Variants in LRMDA observed in about 807,000 individuals in gnomAD.
The protein encoded by LRMDA is leucine-rich melanocyte differentiation-associated protein.
In LRMDA, 18 loss-of-function variants were observed where a neutral mutation model predicts 29.8. That is an observed-to-expected ratio of 0.60 (90% CI 0.42 to 0.90). The LOEUF is 0.90. LRMDA is among the 40% of genes least tolerant of loss of function. The probability of loss-of-function intolerance (pLI) is 0.00; values close to 1 mark genes in which losing one functional copy is unlikely to be tolerated. For missense variants in LRMDA, 273 were observed against 273.9 expected, an observed-to-expected ratio of 1.00 and a Z score of 0.02; for synonymous variants, 125 against 109.4, an observed-to-expected ratio of 1.14 and a Z score of -0.89.
At chr10:76,172,078 C>G (rs899720748) in intron 5 of LRMDA, among the ~76,000 whole-genome samples, 5 of 152,160 alleles carry the variant, frequency 3.3e-5, no homozygotes, top group Admixed American at 6.5e-5. Context: ...TTCTAGCAAC[C>G]CACGGCTCTC....
intron 5 of LRMDA, among the ~76,000 whole-genome samples, chr10:76,295,038 A>G (rs1001097166): frequency 3.3e-5 from 5 of 152,224 alleles, no homozygotes; most frequent in African/African-American, 4.8e-5. Context: ...AATATTTGGC[A>G]TAGAATAGAG....
At chr10:75,761,464 T>C (rs915881673) in intron 2 of LRMDA, among the ~76,000 whole-genome samples, 1 of 152,198 alleles carries the variant, frequency 6.6e-6, no homozygotes, top group African/African-American at 2.4e-5. Context: ...ATTCCACTTA[T>C]GTGAGTTATC....
At chr10:75,987,917 T>C (rs1196207182) in intron 2 of LRMDA, among the ~76,000 whole-genome samples, 1 of 152,250 alleles carries the variant, frequency 6.6e-6, no homozygotes, top group East Asian at 1.9e-4. Context: ...TGAACTACAG[T>C]GCAATGCAGA....
intron 5 of LRMDA, among the ~76,000 whole-genome samples, chr10:76,177,154 T>C (rs931426712): frequency 1.3e-5 from 2 of 152,206 alleles, no homozygotes; most frequent in Non-Finnish European, 1.5e-5. Context: ...AGTGTCGCCA[T>C]CCCAGCAGCA....
intron 2 of LRMDA, among the ~76,000 whole-genome samples, chr10:75,636,970 A>C (rs769738273): frequency 1.3e-5 from 2 of 152,358 alleles, no homozygotes; most frequent in South Asian, 2.1e-4. Flanking sequence ...TATCTAACCT[A>C]TTGAACACTT....
intron 5 of LRMDA, among the ~76,000 whole-genome samples, chr10:76,241,024 C>T (rs1026205976): frequency 6.6e-6 from 1 of 151,812 alleles, no homozygotes; most frequent in African/African-American, 2.4e-5. Flanking sequence ...GAAAACCAAA[C>T]ATCATATGTT....
intron 2 of LRMDA, among the ~76,000 whole-genome samples, chr10:75,701,013 C>T (rs758620451): frequency 6.6e-5 from 10 of 152,200 alleles, no homozygotes; most frequent in African/African-American, 2.4e-4. Context: ...TGGACTAACT[C>T]ATCTCCTCGG....
chr10:76,445,171 G>A (rs781637164), intron 6 of LRMDA, among the ~76,000 whole-genome samples: 2 of 152,108 alleles, frequency 1.3e-5, no homozygotes, highest in Non-Finnish European at 2.9e-5. Flanking sequence ...TGATTTGGTA[G>A]CTGATATAGG....
At chr10:76,159,548 T>A (rs1046780776) in intron 5 of LRMDA, among the ~76,000 whole-genome samples, 5 of 152,170 alleles carry the variant, frequency 3.3e-5, no homozygotes, top group African/African-American at 9.6e-5. Flanking sequence ...CTCAAATGAG[T>A]TGAAGACTTA....
At chr10:76,140,318 G>A (rs1850175348) in intron 5 of LRMDA, among the ~76,000 whole-genome samples, 1 of 152,100 alleles carries the variant, frequency 6.6e-6, no homozygotes, top group Non-Finnish European at 1.5e-5. Flanking sequence ...CCTTTCACTG[G>A]AGAAGGTGCC....
chr10:75,692,484 T>C lies in LRMDA; in HGVS notation c.131+253990T>C, dbSNP rs142034287. Among the ~76,000 whole-genome samples the C allele has an allele frequency of 4.8e-4, 72 of 150,916 alleles. No individual in the cohort carries two copies. The East Asian group carries it at 0.012, about 26-fold the overall frequency. On this transcript the variant is annotated intron_variant, in intron 2 of 6. Coordinates refer to ENST00000611255, the MANE Select transcript of LRMDA (RefSeq NM_001305581.2). ...GTATACACACATACACATACACACGTATACATATATGTATATATGTATACA... is the reference window on the plus strand; with the variant it reads ...GTATACACACATACACATACACACGCATACATATATGTATATATGTATACA...
intron 6 of LRMDA, among the ~76,000 whole-genome samples, chr10:76,388,338 A>G (rs1841684654): frequency 6.6e-6 from 1 of 152,222 alleles, no homozygotes; most frequent in Non-Finnish European, 1.5e-5. Context: ...ATAAGGTAAT[A>G]GCTTTTTCTC....
At chr10:75,686,848 G>A (rs553195343) in intron 2 of LRMDA, among the ~76,000 whole-genome samples, 48 of 152,266 alleles carry the variant, frequency 3.2e-4, no homozygotes, top group Admixed American at 1.5e-3. Context: ...GCATGTGCTC[G>A]CTTCGTGGCT....
chr10:75,751,321 G>A (rs1438658761), intron 2 of LRMDA, among the ~76,000 whole-genome samples: 3 of 151,646 alleles, frequency 2.0e-5, no homozygotes, highest in Non-Finnish European at 1.5e-5. Context: ...GAGGGAGAGG[G>A]AGAGGGAGAC....
At chr10:76,537,293 G>A (rs1310523283) in intron 6 of LRMDA, among the ~76,000 whole-genome samples, 2 of 152,168 alleles carry the variant, frequency 1.3e-5, no homozygotes, top group African/African-American at 4.8e-5. Context: ...CCCTACACAC[G>A]TGCATGACTT....
intron 2 of LRMDA, among the ~76,000 whole-genome samples, chr10:75,933,515 A>G (rs749202539): frequency 3.0e-4 from 46 of 152,190 alleles, no homozygotes; most frequent in Admixed American, 1.0e-3. Context: ...GTTTCCTGAT[A>G]TAGCAGTTGA....
At chr10:76,348,792 T>C (rs1841139855) in intron 6 of LRMDA, among the ~76,000 whole-genome samples, 2 of 152,196 alleles carry the variant, frequency 1.3e-5, no homozygotes. Context: ...ACTTACAGTT[T>C]AGGAGGACCT....
chr10:76,213,551 G>T (rs1851673286), intron 5 of LRMDA, among the ~76,000 whole-genome samples: 1 of 152,232 alleles, frequency 6.6e-6, no homozygotes, highest in East Asian at 1.9e-4. Flanking sequence ...TAACCTGGAA[G>T]TGGCTTTGAA....
chr10:76,135,996 A>G (rs1850087676), intron 5 of LRMDA, among the ~76,000 whole-genome samples: 1 of 152,158 alleles, frequency 6.6e-6, no homozygotes, highest in South Asian at 2.1e-4. Context: ...TTTATCTTGT[A>G]GTTTAAGGCA....
Sources: allele counts gnomAD v4.1 joint callset (sites outside exome capture counted in the v4.1 genomes callset), GRCh38; gene constraint gnomAD v4.1.1; transcripts MANE v1.5; gene names NCBI Gene and HGNC (gene_info 2026-07-23, HGNC 2026-07-21).